Variants in SLC6A15 observed in about 807,000 individuals in gnomAD.
SLC6A15 encodes the protein solute carrier family 6 member 15.
A neutral mutation model predicts 68.5 loss-of-function variants in SLC6A15; 33 were observed. The ratio of observed to expected loss-of-function variants is 0.48; its 90% CI spans 0.37 to 0.64. SLC6A15 has a LOEUF of 0.64. Ranked by LOEUF, SLC6A15 falls within the 30% of genes least tolerant of loss-of-function variation. SLC6A15 has a pLI of 0.00. For missense variants in SLC6A15, 747 were observed against 874.3 expected (o/e 0.85, Z 1.84); for synonymous variants, 347 against 301.0 (o/e 1.15, Z -1.58).
chr12:84,886,585 A>C (rs1872113286), intron 2 of SLC6A15, among the ~76,000 whole-genome samples: 1 of 151,164 alleles, frequency 6.6e-6, no homozygotes, highest in African/African-American at 2.4e-5. Flanking sequence ...GCTTAGACTG[A>C]AAAAGAAAAA....
chr12:84,881,906 C>T (rs1871837728), intron 5 of SLC6A15: 1 of 985,294 alleles, frequency 1.0e-6, no homozygotes, highest in Non-Finnish European at 1.2e-6. Context: ...AGCTAGCTTT[C>T]TCCCCATCAG....
chr12:84,885,587 A>G, intron 3 of SLC6A15, 26 bp from the exon 4 acceptor site: 1 of 1,603,078 alleles, frequency 6.2e-7, no homozygotes, highest in Non-Finnish European at 8.5e-7. Context: ...ATATCCCATT[A>G]AACCTCTCAT....
chr12:84,878,308 T>TA (rs1223049180), intron 5 of SLC6A15, among the ~76,000 whole-genome samples: 1 of 152,216 alleles, frequency 6.6e-6, no homozygotes, highest in Non-Finnish European at 1.5e-5. Context: ...TTTGATTTTT[T>TA]AAAAAATCAG....
chr12:84,884,127 C>T (rs961166543), intron 4 of SLC6A15, 87 bp from the exon 5 acceptor site: 5 of 1,063,434 alleles, frequency 4.7e-6, no homozygotes, highest in Middle Eastern at 2.2e-4. Context: ...TAAGTGAATT[C>T]TTAATGCTTC....
intron 1 of SLC6A15, among the ~76,000 whole-genome samples, chr12:84,902,563 T>C (rs1014738550): frequency 4.0e-5 from 6 of 151,880 alleles, no homozygotes; most frequent in Non-Finnish European, 8.8e-5. Flanking sequence ...CCATAGCAGC[T>C]TTACTTATAA....
intron 1 of SLC6A15, among the ~76,000 whole-genome samples, chr12:84,907,666 A>C (rs1008207561): frequency 2.6e-5 from 4 of 152,112 alleles, no homozygotes; most frequent in Admixed American, 6.5e-5. Flanking sequence ...AACTAAACAC[A>C]CTGCTACCAC....
intron 5 of SLC6A15, among the ~76,000 whole-genome samples, chr12:84,879,043 C>T (rs1210068805): frequency 2.0e-5 from 3 of 151,878 alleles, no homozygotes; most frequent in Non-Finnish European, 4.4e-5. Context: ...TAGCTAACAG[C>T]CCATCATTTT....
At chr12:84,893,172 T>C (rs1872495125) in intron 1 of SLC6A15, among the ~76,000 whole-genome samples, 1 of 152,198 alleles carries the variant, frequency 6.6e-6, no homozygotes, top group Non-Finnish European at 1.5e-5. Flanking sequence ...AAGGATCTTA[T>C]ATTTAATAGA....
chr12:84,891,780 A>C (rs1387509813), intron 2 of SLC6A15, 52 bp downstream of exon 2: 1 of 1,502,038 alleles, frequency 6.7e-7, no homozygotes, highest in East Asian at 2.3e-5. Flanking sequence ...GCTATTTGAG[A>C]AACCCAATTG....
chr12:84,881,806 A>G (rs1871834082), intron 5 of SLC6A15: 1 of 969,772 alleles, frequency 1.0e-6, no homozygotes, highest in Non-Finnish European at 1.2e-6. Flanking sequence ...TTAATTCCTC[A>G]TAAAGTCATT....
chr12:84,910,161 A>G (rs994146424), intron 1 of SLC6A15, among the ~76,000 whole-genome samples: 5 of 152,144 alleles, frequency 3.3e-5, no homozygotes, highest in Admixed American at 3.3e-4. Flanking sequence ...TTAAAATACT[A>G]CATCTCGAGT....
intron 1 of SLC6A15, among the ~76,000 whole-genome samples, chr12:84,909,158 C>T (rs1018205479): frequency 2.0e-5 from 3 of 152,052 alleles, no homozygotes; most frequent in Non-Finnish European, 2.9e-5. Flanking sequence ...TGAGAGTGCC[C>T]GCTTTCTTCT....
chr12:84,863,395 T>C (rs759539874), intron 11 of SLC6A15, 44 bp downstream of exon 11: 1 of 1,476,262 alleles, frequency 6.8e-7, no homozygotes. Context: ...AAAAAAGCTT[T>C]TTATATATCT....
chr12:84,881,351 T>C lies in SLC6A15; in HGVS notation c.756+2508A>G, dbSNP rs7132320. On this transcript the variant is annotated intron_variant, in intron 5 of 11. Transcript: ENST00000266682. ...ACCACCATCACAACCTCCTCCATAA[T>C]ACCCACTATTTGATCATAGTTTTGC... 0.014 allele frequency: 8,164 copies of C among 599,724 alleles called. 498 individuals are homozygous for C. The African/African-American group carries it at 0.14, about 10-fold the overall frequency. The allele number at this position is 599,724 out of a possible 1,614,324, so 37.2% of individuals were successfully genotyped here.
chr12:84,894,388 C>T (rs1397388454), intron 1 of SLC6A15, among the ~76,000 whole-genome samples: 4 of 152,080 alleles, frequency 2.6e-5, no homozygotes, highest in Non-Finnish European at 5.9e-5. Context: ...AGCACTATAA[C>T]TTATTAATTG....
In SLC6A15 at chr12:84,861,090, T is replaced by G. The variant is rs960888113; in HGVS notation, c.*542A>C. ...TGATTGCTATTGCTCTATACAGCTATTACATAAGAAAATATTTTGCAGTTT... is the reference window on the plus strand; with the variant it reads ...TGATTGCTATTGCTCTATACAGCTAGTACATAAGAAAATATTTTGCAGTTT... On this transcript the variant is annotated 3_prime_UTR_variant, in exon 12 of 12. Coordinates refer to ENST00000266682, the MANE Select transcript of SLC6A15 (RefSeq NM_182767.6). 1 of 152,436 alleles carries G rather than the reference T, an allele frequency of 6.6e-6. No homozygotes were observed. Among genetic ancestry groups the G allele is most frequent in the African/African-American group, 2.4e-5 (1 of 41,444 alleles). The allele number at this position is 152,436 out of a possible 1,614,324, so 9.4% of individuals were successfully genotyped here.
chr12:84,872,852 T>G, intron 7 of SLC6A15, 58 bp from the exon 8 acceptor site: 1 of 1,363,808 alleles, frequency 7.3e-7, no homozygotes, highest in Non-Finnish European at 1.0e-6. Flanking sequence ...GTATAGTTTG[T>G]GAACGACTAT....
chr12:84,888,743 T>C (rs138628330), intron 2 of SLC6A15, among the ~76,000 whole-genome samples: 42 of 152,254 alleles, frequency 2.8e-4, no homozygotes, highest in African/African-American at 9.6e-4. Context: ...AAAATCCACT[T>C]CTACTCCAAA....
chr12:84,885,656 T>C, intron 3 of SLC6A15, 95 bp from the exon 4 acceptor site: 2 of 1,299,152 alleles, frequency 1.5e-6, no homozygotes, highest in South Asian at 3.0e-5. Context: ...CATTTTAAAA[T>C]CCTCTTCATT....
Sources: gnomAD v4.1 joint callset for allele counts (sites outside exome capture counted in the v4.1 genomes callset) on GRCh38, gnomAD v4.1.1 for gene constraint, MANE v1.5 for transcripts, NCBI Gene and HGNC (gene_info 2026-07-23, HGNC 2026-07-21) for gene names.